The following COL16A1 variants were observed in gnomAD, a reference collection of about 807,000 sequenced individuals.
COL16A1 encodes the protein collagen type XVI alpha 1 chain.
Under a neutral mutation model 266.3 loss-of-function variants are expected in COL16A1, and 189 were observed. The observed-to-expected ratio is 0.71, with a 90% CI of 0.63 to 0.80. The LOEUF is 0.80. Ranked by LOEUF, COL16A1 falls within the 30% of genes least tolerant of loss-of-function variation. The pLI, the probability that COL16A1 is intolerant of heterozygous loss-of-function variation, is 0.00. For missense variants in COL16A1, 1,928 were observed against 2,122.4 expected (o/e 0.91, Z 1.80); for synonymous variants, 740 against 782.3 (o/e 0.95, Z 0.90).
At chr1:31,694,266 G>A in intron 11 of COL16A1, 96 bp from the exon 12 acceptor site, 2 of 1,016,098 alleles carry the variant, frequency 2.0e-6, no homozygotes, top group African/African-American at 1.6e-5. Context: ...CACACAGCAT[G>A]GTAGCAGGAC....
chr1:31,688,357 T>G lies in COL16A1; in HGVS notation c.1803+110A>C. 1 of 1,231,258 alleles carries G rather than the reference T, an allele frequency of 8.1e-7. No homozygotes were observed. The highest frequency in any genetic ancestry group is 1.2e-5 in the South Asian group (1 of 80,222). The allele number at this position is 1,231,258 out of a possible 1,614,324, so 76.3% of individuals were successfully genotyped here. ...TAGTAAATTAATTTCACTGTGAATT[T>G]ACCGTCTGAATCTCTTGTTTATATT... On this transcript the variant is annotated intron_variant, in intron 26 of 70. Transcript: ENST00000373672. The surrounding 1 kb of genome is among the most constrained non-coding windows in gnomAD (Gnocchi z 4.9).
intron 29 of COL16A1, 86 bp from the exon 30 acceptor site, chr1:31,684,942 A>G: frequency 6.2e-7 from 1 of 1,603,228 alleles, no homozygotes; most frequent in South Asian, 1.1e-5. Flanking sequence ...GGCATACAAC[A>G]GTAAACAAAC....
In COL16A1 at chr1:31,658,496, C is replaced by T. The variant is rs1457712217; in HGVS notation, c.4012G>A (p.Gly1338Ser). Residue 1338 changes from glycine to serine, a missense_variant, in exon 64 of 71, where the codon GGC becomes AGC. Physicochemically the swap from Gly to Ser is moderately conservative, Grantham distance 56. Coordinates refer to ENST00000373672, the MANE Select transcript of COL16A1 (RefSeq NM_001856.4). ...PGQPGPPGHPGPPGEPGTDGA... is the reference protein window; with the variant it reads ...PGQPGPPGHPSPPGEPGTDGA... ...AGAATGTGGGATCTTACTGGGGGGC[C>T]AGGGTGTCCAGGGGGGCCGGGCTGG... 2 of 1,600,942 alleles carry T rather than the reference C, an allele frequency of 1.2e-6. No individual in the cohort carries two copies. Among genetic ancestry groups the T allele is most frequent in the Non-Finnish European group, 8.5e-7 (1 of 1,174,732 alleles).
At chr1:31,702,749 C>T (rs1293542210) in intron 1 of COL16A1, among the ~76,000 whole-genome samples, 1 of 152,172 alleles carries the variant, frequency 6.6e-6, no homozygotes, top group African/African-American at 2.4e-5. Flanking sequence ...GGGCTGGTGA[C>T]TGGGCTGAGA....
chr1:31,699,492 G>A (rs6681149), intron 4 of COL16A1, among the ~76,000 whole-genome samples: 99,556 of 152,070 alleles, frequency 0.65, 33,069 homozygotes, highest in African/African-American at 0.72. Context: ...ACGCATGTGC[G>A]CACACACACA....
intron 12 of COL16A1, among the ~76,000 whole-genome samples, chr1:31,693,411 C>T (rs548567859): frequency 6.6e-6 from 1 of 152,230 alleles, no homozygotes. Flanking sequence ...AGGGGGGTAT[C>T]CCATCCCCCA....
intron 62 of COL16A1, chr1:31,659,884 A>G (rs1030994721): frequency 2.7e-5 from 4 of 148,718 alleles, no homozygotes; most frequent in Non-Finnish European, 6.0e-5. Context: ...CAGGCTTGAT[A>G]TGGCATTCCC....
Position 31,652,686 on chromosome 1 carries a change from G to A in COL16A1, c.4780C>T (p.Pro1594Ser), listed in dbSNP as rs755796916. The A allele has an allele frequency of 1.2e-6, 2 of 1,601,180 alleles. No homozygotes were observed. ...GGCCCCTTCATGGTTTTCATGGGTG[G>A]GTACTGCTGCTCCATCGGCATGGCC... ...FGAMPMEQQYPPMKTMKGPFG is the reference protein window; with the variant it reads ...FGAMPMEQQYSPMKTMKGPFG The change falls in exon 71 of 71, where the codon CCA (proline) becomes TCA (serine). Residue 1594 changes from proline to serine, a missense_variant. Pro to Ser is a moderately conservative substitution (Grantham distance 74). This residue lies in a region of COL16A1 where 376 missense variants were observed against 485.2 expected (regional missense o/e 0.77). Transcript: ENST00000373672. The surrounding 1 kb of genome is among the most constrained non-coding windows in gnomAD (Gnocchi z 4.8).
chr1:31,662,653 G>C lies in COL16A1; in HGVS notation c.3561C>G (p.Ser1187Arg). ...GPPGPQAEKG[S>R]EGIRGPSGLP... ...GGCCTGATGGGCCTCGAATCCCTTC[G>C]CTGCCCTGGAAACCAGCGCCGCCCC... The change falls in exon 57 of 71, where the codon AGC becomes AGG. Residue 1187 changes from serine to arginine, a missense_variant. By Grantham distance (110) the Ser-to-Arg change is moderately radical (BLOSUM62 -1). Around this residue, in one of 2 missense-constraint regions of COL16A1, gnomAD observed 1,552 missense variants for 1,637.2 expected, o/e 0.95. Coordinates refer to ENST00000373672, the MANE Select transcript of COL16A1 (RefSeq NM_001856.4). 6.5e-7 allele frequency: 1 copy of C among 1,543,832 alleles called. No homozygotes were observed. The highest frequency in any genetic ancestry group is 8.7e-7 in the Non-Finnish European group (1 of 1,145,608).
In COL16A1 at chr1:31,682,924, G is replaced by A. The variant is rs752078993; in HGVS notation, c.2538+10C>T. 5 of 1,614,018 alleles carry A rather than the reference G, an allele frequency of 3.1e-6. No individual in the cohort carries two copies. Among genetic ancestry groups the A allele is most frequent in the Admixed American group, 1.7e-5 (1 of 60,018 alleles). On this transcript the variant is annotated intron_variant, in intron 37 of 70. Transcript: ENST00000373672. The stretch of plus-strand genomic sequence containing the variant: ...CAACACCACCAGCATGGAGCACAGA[G>A]AAGACTTACCGGAGGCCCAGAGACA...
intron 70 of COL16A1, among the ~76,000 whole-genome samples, chr1:31,653,107 T>G (rs1464641818): frequency 6.6e-6 from 1 of 152,210 alleles, no homozygotes; most frequent in African/African-American, 2.4e-5. Context: ...TCTGCACAAT[T>G]TCCTGAGAAA....
At chr1:31,662,511 G>A (rs1641765282) in intron 57 of COL16A1, 76 bp downstream of exon 57, 4 of 1,546,548 alleles carry the variant, frequency 2.6e-6, no homozygotes, top group African/African-American at 1.4e-5. Flanking sequence ...ACACACACAG[G>A]TGCACACACA....
chr1:31,661,886 C>T (rs1641703239), intron 58 of COL16A1, 182 bp from the exon 59 acceptor site: 1 of 659,922 alleles, frequency 1.5e-6, no homozygotes, highest in Non-Finnish European at 2.6e-6. Flanking sequence ...CTCTCCGGGC[C>T]TTAGCTTTCC....
rs1378074927 is a variant in COL16A1 at position 31,661,419 on chromosome 1, G to A, written c.3766C>T (p.Pro1256Ser). 5 of 1,613,928 alleles carry A rather than the reference G, an allele frequency of 3.1e-6. No individual in the cohort carries two copies. The East Asian group carries it at 1.1e-4, about 36-fold the overall frequency. The change falls in exon 60 of 71, where the codon CCT (proline) becomes TCT (serine). Residue 1256 changes from proline to serine, a missense_variant. Physicochemically the swap from Pro to Ser is moderately conservative, Grantham distance 74. Around this residue, in one of 2 missense-constraint regions of COL16A1, gnomAD observed 376 missense variants for 485.2 expected, o/e 0.77. Coordinates refer to ENST00000373672, the MANE Select transcript of COL16A1 (RefSeq NM_001856.4). Reference sequence around the variant, plus strand: ...CAGAGGTCACCAGCCCTTACCTTAGGTCCTGGGAGGCCAGGATGTCCTGTT... The same window carrying A: ...CAGAGGTCACCAGCCCTTACCTTAGATCCTGGGAGGCCAGGATGTCCTGTT... Reference protein sequence around the residue: ...GKTGHPGLPGPKGDCGKPGPP... With the variant: ...GKTGHPGLPGSKGDCGKPGPP...
At chr1:31,694,340 C>T (rs1644404352) in intron 11 of COL16A1, among the ~76,000 whole-genome samples, 170 bp from the exon 12 acceptor site, 1 of 152,234 alleles carries the variant, frequency 6.6e-6, no homozygotes, top group Non-Finnish European at 1.5e-5. Context: ...ATTCCATTTC[C>T]TCAGCCTGTA....
chr1:31,670,629 A>T lies in COL16A1; in HGVS notation c.3168T>A (p.Pro1056=). Residue 1056 remains proline, a synonymous_variant, in exon 49 of 71, where the codon CCT becomes CCA. Transcript: ENST00000373672. This position sits in a 1 kb window ranked among gnomAD's most constrained non-coding sequence, Gnocchi z 4.5. ...PPGPIGPPGF[P]GAVGSPGLPG... is the part of the protein sequence containing the mutation. Reference sequence around the variant, plus strand: ...GCAATCCGGGGGAGCCAACAGCACCAGGAAAACCTGGGGGGCCCTGGTGGG... The same window carrying T: ...GCAATCCGGGGGAGCCAACAGCACCTGGAAAACCTGGGGGGCCCTGGTGGG... 1 of 1,426,134 alleles carries T rather than the reference A, an allele frequency of 7.0e-7. No homozygotes were observed. The highest frequency in any genetic ancestry group is 9.1e-7 in the Non-Finnish European group (1 of 1,094,036). The allele number at this position is 1,426,134 out of a possible 1,614,324, so 88.3% of individuals were successfully genotyped here.
chr1:31,688,146 AC>A lies in COL16A1; in HGVS notation c.1803+320del. On this transcript the variant is annotated intron_variant, in intron 26 of 70. Coordinates refer to ENST00000373672, the MANE Select transcript of COL16A1 (RefSeq NM_001856.4). This position sits in a 1 kb window ranked among gnomAD's most constrained non-coding sequence, Gnocchi z 4.9. ...GAGGACAAAACAAGTGAATATACTT[AC>A]AAGATTTGGAATAGTGCCCGGCACA... Among the ~76,000 whole-genome samples, 1 of 152,318 alleles carries A rather than the reference AC, an allele frequency of 6.6e-6. No individual in the cohort carries two copies. Among genetic ancestry groups the A allele is most frequent in the Non-Finnish European group, 1.5e-5 (1 of 68,026 alleles).
In COL16A1 at chr1:31,661,591, G is replaced by A. The variant is rs758663930; in HGVS notation, c.3726+69C>T. On this transcript the variant is annotated intron_variant, in intron 59 of 70. Coordinates refer to ENST00000373672, the MANE Select transcript of COL16A1 (RefSeq NM_001856.4). ...CGGTCCACGGAGGATCTGGATTTGAGCTGTTGCAGCCACCCAGGCAGAAGC... is the reference window on the plus strand; with the variant it reads ...CGGTCCACGGAGGATCTGGATTTGAACTGTTGCAGCCACCCAGGCAGAAGC... The A allele has an allele frequency of 1.9e-6, 3 of 1,612,064 alleles. No homozygotes were observed. In the South Asian group the frequency reaches 3.3e-5, roughly 18 times the overall value.
intron 47 of COL16A1, among the ~76,000 whole-genome samples, chr1:31,671,954 A>G (rs574658179): frequency 6.6e-6 from 1 of 152,366 alleles, no homozygotes; most frequent in African/African-American, 2.4e-5. Flanking sequence ...TAGGGGAGAG[A>G]CGGACACTAA....
Sources: allele counts gnomAD v4.1 joint callset (sites outside exome capture counted in the v4.1 genomes callset), GRCh38; gene constraint gnomAD v4.1.1; regional missense constraint gnomAD v4.1.1; non-coding constraint Gnocchi (gnomAD v3.1); transcripts MANE v1.5; gene names NCBI Gene and HGNC (gene_info 2026-07-23, HGNC 2026-07-21).